The following DOCK3 variants were observed in gnomAD, a reference collection of about 807,000 sequenced individuals.
DOCK3 encodes the protein dedicator of cytokinesis 3.
DOCK3 carries 60 observed loss-of-function variants against 265.6 expected under a neutral mutation model. The observed-to-expected ratio is 0.23, with a 90% confidence interval of 0.18 to 0.28. The LOEUF (loss-of-function observed/expected upper bound fraction) is 0.28, where lower values mean the gene tolerates loss of function less well. Ranked by LOEUF, DOCK3 falls within the 10% of genes least tolerant of loss-of-function variation. The pLI, the probability that DOCK3 is intolerant of heterozygous loss-of-function variation, is 1.00. For synonymous variants in DOCK3, 881 were observed against 938.0 expected, an observed-to-expected ratio of 0.94 and a Z score of 1.11; for missense variants, 1,981 against 2,594.3, an observed-to-expected ratio of 0.76 and a Z score of 5.14.
chr3:51,306,552 A>T (rs543302166), intron 27 of DOCK3, among the ~76,000 whole-genome samples: 3 of 152,194 alleles, frequency 2.0e-5, no homozygotes, highest in African/African-American at 7.2e-5. Context: ...ACCCTTAATG[A>T]TGCCCCACAG....
intron 51 of DOCK3, among the ~76,000 whole-genome samples, chr3:51,377,252 G>A (rs760336236): frequency 5.9e-5 from 9 of 152,244 alleles, no homozygotes; most frequent in South Asian, 4.1e-4. Context: ...AAGCATATCC[G>A]TACCACAAGG....
intron 3 of DOCK3, chr3:50,863,543 C>T (rs2675825): frequency 0.11 from 48,839 of 439,522 alleles, 2,959 homozygotes; most frequent in Non-Finnish European, 0.14. Context: ...CTTTGCTAGA[C>T]TCTCGATGCT....
At chr3:50,765,749 T>C (rs1003544540) in intron 1 of DOCK3, among the ~76,000 whole-genome samples, 1 of 152,212 alleles carries the variant, frequency 6.6e-6, no homozygotes, top group South Asian at 2.1e-4. Context: ...CAAGCACTTG[T>C]CATTTCTTCC....
intron 49 of DOCK3, among the ~76,000 whole-genome samples, chr3:51,363,837 T>C (rs2086924365): frequency 6.6e-6 from 1 of 152,236 alleles, no homozygotes; most frequent in South Asian, 2.1e-4. Flanking sequence ...TATGGCAGCA[T>C]AGTATTCCAT....
At chr3:51,001,533 GCCAAATC>G (rs2078484248) in intron 5 of DOCK3, among the ~76,000 whole-genome samples, 2 of 152,164 alleles carry the variant, frequency 1.3e-5, no homozygotes, top group African/African-American at 4.8e-5. Context: ...AATTGCATGA[GCCAAATC>G]CTGTAATAAG....
Position 51,252,680 on chromosome 3 carries a change from T to G in DOCK3, c.2184+5873T>G, listed in dbSNP as rs928976596. On this transcript the variant is annotated intron_variant, in intron 22 of 52. Coordinates refer to ENST00000266037, the MANE Select transcript of DOCK3 (RefSeq NM_004947.5). ...TCTCTGTTTGTCTGTTATTGGTGTA[T>G]AGGAATGCTTGTGATTTTTGCACAT... 2.6e-5 allele frequency among the ~76,000 whole-genome samples: 4 copies of G among 152,318 alleles called. No individual in the cohort carries two copies. The East Asian group carries it at 5.8e-4, about 22-fold the overall frequency.
At position 51,089,294 on chromosome 3, in the gene DOCK3, T is replaced by A; in HGVS notation, c.591+10T>A. Reference sequence around the variant, plus strand: ...GCAAAGCACATCCCAGGTAAGCGGCTTTCCTGGGTCTTCCAGCCTTTCCCC... The same window carrying A: ...GCAAAGCACATCCCAGGTAAGCGGCATTCCTGGGTCTTCCAGCCTTTCCCC... On this transcript the variant is annotated intron_variant, in intron 8 of 52. Transcript: ENST00000266037. 1.2e-6 allele frequency: 2 copies of A among 1,607,894 alleles called. No individual in the cohort carries two copies. Among genetic ancestry groups the A allele is most frequent in the Non-Finnish European group, 1.7e-6 (2 of 1,177,108 alleles).
At chr3:51,160,798 G>T (rs1302136646) in intron 12 of DOCK3, 96 bp downstream of exon 12, 5 of 1,429,174 alleles carry the variant, frequency 3.5e-6, no homozygotes, top group Non-Finnish European at 4.6e-6. Flanking sequence ...GTGGACACAG[G>T]CCACGCAGTG....
In DOCK3 at chr3:51,382,918, G is replaced by A. The variant is rs1171133423; in HGVS notation, c.*1359G>A. The A allele has an allele frequency of 1.3e-5, 2 of 152,318 alleles. No homozygotes were observed. The highest frequency in any genetic ancestry group is 2.9e-5 in the Non-Finnish European group (2 of 68,024). The allele number at this position is 152,318 out of a possible 1,614,324, so 9.4% of individuals were successfully genotyped here. On this transcript the variant is annotated 3_prime_UTR_variant, in exon 53 of 53. Transcript: ENST00000266037. ...GGGATAGGGTCAGGTGGGTATAGTAGTACTTTACCAGGGTGCTTTTAAGTT... is the reference window on the plus strand; with the variant it reads ...GGGATAGGGTCAGGTGGGTATAGTAATACTTTACCAGGGTGCTTTTAAGTT...
chr3:51,338,115 TG>T (rs1243312279), intron 35 of DOCK3, among the ~76,000 whole-genome samples: 1 of 152,266 alleles, frequency 6.6e-6, no homozygotes, highest in African/African-American at 2.4e-5. Flanking sequence ...GATGTAGCTC[TG>T]GGCTCTCTCT....
At chr3:51,125,790 T>G (rs1457669500) in intron 9 of DOCK3, among the ~76,000 whole-genome samples, 1 of 152,098 alleles carries the variant, frequency 6.6e-6, no homozygotes, top group African/African-American at 2.4e-5. Flanking sequence ...GGAATGAAGT[T>G]AAAAAGAACA....
intron 27 of DOCK3, among the ~76,000 whole-genome samples, chr3:51,293,655 CA>C (rs1294496481): frequency 1.3e-4 from 19 of 151,980 alleles, no homozygotes; most frequent in Admixed American, 1.2e-3. Context: ...GTGAAGAAAA[CA>C]ATAGAATGAA....
intron 11 of DOCK3, among the ~76,000 whole-genome samples, 190 bp downstream of exon 11, chr3:51,159,494 CG>C (rs1360557615): frequency 6.6e-6 from 1 of 151,824 alleles, no homozygotes; most frequent in African/African-American, 2.4e-5. Context: ...TAAATGGATT[CG>C]GGGGGGTGGG....
At chr3:51,149,094 T>C (rs1223721979) in intron 10 of DOCK3, among the ~76,000 whole-genome samples, 4 of 152,192 alleles carry the variant, frequency 2.6e-5, no homozygotes, top group Non-Finnish European at 5.9e-5. Flanking sequence ...TATTTTATTC[T>C]CTTTGTAGCA....
intron 12 of DOCK3, among the ~76,000 whole-genome samples, chr3:51,168,772 GAAA>G (rs1307034506): frequency 6.6e-6 from 1 of 152,102 alleles, no homozygotes; most frequent in African/African-American, 2.4e-5. Context: ...AGTCTGCATG[GAAA>G]AAGACACTAT....
intron 5 of DOCK3, among the ~76,000 whole-genome samples, chr3:50,964,308 T>A (rs527863602): frequency 3.3e-5 from 5 of 152,140 alleles, no homozygotes; most frequent in Non-Finnish European, 7.4e-5. Context: ...AGAATAATAA[T>A]CAATATTTGA....
intron 38 of DOCK3, among the ~76,000 whole-genome samples, chr3:51,346,000 A>G (rs1394642345): frequency 1.3e-5 from 2 of 152,178 alleles, no homozygotes; most frequent in African/African-American, 4.8e-5. Context: ...GATGATGGAT[A>G]AGGGTTTATT....
intron 5 of DOCK3, among the ~76,000 whole-genome samples, chr3:51,052,101 C>T (rs2081014973): frequency 6.6e-6 from 1 of 152,074 alleles, no homozygotes; most frequent in Non-Finnish European, 1.5e-5. Context: ...TTATGAAACT[C>T]CAGAGGAAGG....
chr3:51,008,421 T>C (rs1383230305), intron 5 of DOCK3, among the ~76,000 whole-genome samples: 2 of 152,238 alleles, frequency 1.3e-5, no homozygotes. Context: ...GTGATTTGGC[T>C]CTCTGTTTGT....
Sources: allele counts gnomAD v4.1 joint callset (sites outside exome capture counted in the v4.1 genomes callset), GRCh38; gene constraint gnomAD v4.1.1; transcripts MANE v1.5; gene names NCBI Gene and HGNC (gene_info 2026-07-23, HGNC 2026-07-21).